Variants in CASP4 observed in about 807,000 individuals in gnomAD.
CASP4 encodes caspase-4.
A neutral mutation model predicts 41.3 loss-of-function variants in CASP4; 29 were observed. The observed-to-expected ratio is 0.70, with a 90% CI of 0.52 to 0.96. The LOEUF (loss-of-function observed/expected upper bound fraction) is 0.96. Ranked by LOEUF, CASP4 falls within the 40% of genes least tolerant of loss-of-function variation. The probability of loss-of-function intolerance (pLI) is 0.00; values close to 1 mark genes in which losing one functional copy is unlikely to be tolerated. For synonymous variants in CASP4, 185 were observed against 158.4 expected (o/e 1.17, Z -1.26); for missense variants, 447 against 460.6 (o/e 0.97, Z 0.27).
intron 7 of CASP4, 72 bp downstream of exon 7, chr11:104,947,011 G>T: frequency 2.8e-6 from 3 of 1,063,358 alleles, no homozygotes; most frequent in African/African-American, 1.6e-5. Context: ...AATTGTCATT[G>T]TGAAGTAAAA....
At chr11:104,948,952 G>A (rs1860537329) in intron 5 of CASP4, 2 of 236,348 alleles carry the variant, frequency 8.5e-6, no homozygotes, top group South Asian at 2.4e-4. Flanking sequence ...TAGCTCCCAA[G>A]AGCTATCAGA....
chr11:104,963,900 A>C (rs1860916422), intron 1 of CASP4, among the ~76,000 whole-genome samples: 1 of 152,282 alleles, frequency 6.6e-6, no homozygotes, highest in East Asian at 1.9e-4. Context: ...GCTTGGAAAA[A>C]AAATGCATGC....
chr11:104,943,987 G>T (rs1860387781), intron 8 of CASP4: 1 of 152,170 alleles, frequency 6.6e-6, no homozygotes, highest in Non-Finnish European at 1.5e-5. Context: ...AGTGAAGAAA[G>T]TCATCATTTA....
At chr11:104,959,518 T>C (rs184438256) in intron 1 of CASP4, among the ~76,000 whole-genome samples, 1 of 152,342 alleles carries the variant, frequency 6.6e-6, no homozygotes, top group Non-Finnish European at 1.5e-5. Context: ...ATCCATTATA[T>C]GCTTAAAAGA....
rs56310197 is a variant in CASP4 at position 104,960,807 on chromosome 11, C to T, written c.8-5806G>A. ...TTATTTTTCCATTTAATTGTGATTC[C>T]CAGCCTACTTATCTCTATCCACTGT... On this transcript the variant is annotated intron_variant, in intron 1 of 8. Coordinates refer to ENST00000444739, the MANE Select transcript of CASP4 (RefSeq NM_001225.4). Among the ~76,000 whole-genome samples, 536 of 152,060 alleles carry T rather than the reference C, an allele frequency of 3.5e-3. 13 individuals carry two copies. The East Asian group carries it at 0.07, about 20-fold the overall frequency.
chr11:104,947,268 G>T, intron 6 of CASP4, 76 bp from the exon 7 acceptor site: 1 of 908,220 alleles, frequency 1.1e-6, no homozygotes, highest in South Asian at 1.8e-5. Flanking sequence ...TTTTGAGAAT[G>T]TTTTTAAAAA....
At chr11:104,955,877 A>G (rs666723) in intron 1 of CASP4, among the ~76,000 whole-genome samples, 92,261 of 151,948 alleles carry the variant, frequency 0.61, 28,320 homozygotes, top group Middle Eastern at 0.82. Flanking sequence ...ATCCATGTAG[A>G]TGTAAGGATA....
At chr11:104,947,972 G>GTA (rs1860504823) in intron 6 of CASP4, 2 of 152,220 alleles carry the variant, frequency 1.3e-5, no homozygotes, top group Admixed American at 6.5e-5. Context: ...GTAACATTAT[G>GTA]TATGTCAATC....
chr11:104,948,448 T>C, intron 6 of CASP4, 85 bp downstream of exon 6: 2 of 1,317,030 alleles, frequency 1.5e-6, no homozygotes, highest in African/African-American at 2.9e-5. Flanking sequence ...CAGATCATTG[T>C]TTCATAGGGA....
chr11:104,948,302 T>C (rs951015950), intron 6 of CASP4: 10 of 330,764 alleles, frequency 3.0e-5, no homozygotes, highest in Non-Finnish European at 5.5e-5. Context: ...ATGGGCTTAA[T>C]AAAAAAAACA....
At chr11:104,949,048 T>G in intron 5 of CASP4, 1 of 213,780 alleles carries the variant, frequency 4.7e-6, no homozygotes, top group Non-Finnish European at 9.5e-6. Flanking sequence ...GCCACCATCC[T>G]CAGCCAGCCA....
intron 8 of CASP4, 44 bp downstream of exon 8, chr11:104,944,704 C>A (rs778684636): frequency 1.6e-6 from 2 of 1,237,442 alleles, no homozygotes; most frequent in Non-Finnish European, 2.4e-6. Flanking sequence ...CAATATCACT[C>A]TCTTATTTAT....
In CASP4 at chr11:104,951,424, A is replaced by G. The variant is rs1860610848; in HGVS notation, c.373-326T>C. The G allele has an allele frequency of 2.0e-5, 5 of 252,202 alleles. No homozygotes were observed. The East Asian group carries it at 4.3e-4, about 22-fold the overall frequency. The allele number at this position is 252,202 out of a possible 1,614,324, so 15.6% of individuals were successfully genotyped here. On this transcript the variant is annotated intron_variant, in intron 3 of 8. Transcript: ENST00000444739. ...ATGTTGTCGTTGACTCCAGTGAAAAATGAATACAGCAAAAGTCTTTGCCTT... is the reference window on the plus strand; with the variant it reads ...ATGTTGTCGTTGACTCCAGTGAAAAGTGAATACAGCAAAAGTCTTTGCCTT...
chr11:104,947,738 T>C (rs929712241), intron 6 of CASP4: 2 of 152,198 alleles, frequency 1.3e-5, no homozygotes, highest in African/African-American at 4.8e-5. Context: ...TACAGGGTGG[T>C]GCCAGTAGTA....
chr11:104,950,818 A>C (rs1860590793), intron 4 of CASP4, 107 bp downstream of exon 4: 2 of 983,794 alleles, frequency 2.0e-6, no homozygotes, highest in South Asian at 1.6e-5. Flanking sequence ...ACACACACAC[A>C]CACACCCAAA....
At chr11:104,963,030 T>C (rs965809006) in intron 1 of CASP4, among the ~76,000 whole-genome samples, 17 of 152,300 alleles carry the variant, frequency 1.1e-4, no homozygotes, top group African/African-American at 2.9e-4. Flanking sequence ...GAAGTTACTT[T>C]TGATAAAGTT....
chr11:104,964,973 G>A (rs1860941171), intron 1 of CASP4, among the ~76,000 whole-genome samples: 1 of 152,256 alleles, frequency 6.6e-6, no homozygotes, highest in African/African-American at 2.4e-5. Context: ...TAAGACTAAA[G>A]CTTATTTTGG....
chr11:104,966,701 G>A (rs1263009292), intron 1 of CASP4, among the ~76,000 whole-genome samples: 1 of 152,174 alleles, frequency 6.6e-6, no homozygotes, highest in African/African-American at 2.4e-5. Context: ...GAATAGAAAT[G>A]TGAGGCCAGG....
chr11:104,943,637 C>T (rs2134628729), intron 8 of CASP4: 1 of 152,250 alleles, frequency 6.6e-6, no homozygotes, highest in African/African-American at 2.4e-5. Flanking sequence ...AGAATATAAG[C>T]TTTCAGAGTG....
Sources: allele counts gnomAD v4.1 joint callset (sites outside exome capture counted in the v4.1 genomes callset), GRCh38; gene constraint gnomAD v4.1.1; transcripts MANE v1.5; gene names NCBI Gene and HGNC (gene_info 2026-07-23, HGNC 2026-07-21).